The following PRKD1 variants were observed in gnomAD, a reference collection of about 807,000 sequenced individuals.
PRKD1 encodes the protein serine/threonine-protein kinase D1.
A neutral mutation model predicts 95.9 loss-of-function variants in PRKD1; 63 were observed. That is an observed-to-expected ratio of 0.66 (90% CI 0.54 to 0.81). The LOEUF (loss-of-function observed/expected upper bound fraction) is 0.81, where lower values mean the gene tolerates loss of function less well. PRKD1 is among the 30% of genes least tolerant of loss of function. The pLI is 0.00. For missense variants in PRKD1, 1,048 were observed against 1,165.3 expected, an observed-to-expected ratio of 0.90 and a Z score of 1.47; for synonymous variants, 425 against 423.1, an observed-to-expected ratio of 1.00 and a Z score of -0.05.
intron 1 of PRKD1, among the ~76,000 whole-genome samples, chr14:29,750,380 A>G (rs1887419672): frequency 1.3e-5 from 2 of 152,194 alleles, no homozygotes; most frequent in South Asian, 4.1e-4. Context: ...TTCTGGTTAC[A>G]AAAACATCAC....
chr14:29,890,035 A>G (rs544212079), intron 1 of PRKD1, among the ~76,000 whole-genome samples: 1 of 152,362 alleles, frequency 6.6e-6, no homozygotes, highest in Admixed American at 6.5e-5. Flanking sequence ...AAGTTCTCAA[A>G]TAAGTTGTGT....
At chr14:29,642,728 T>G (rs746174442) in intron 4 of PRKD1, among the ~76,000 whole-genome samples, 1 of 152,182 alleles carries the variant, frequency 6.6e-6, no homozygotes, top group Non-Finnish European at 1.5e-5. Flanking sequence ...CTTTAGAGTT[T>G]TAAATAACAC....
chr14:29,860,592 C>G (rs926023015), intron 1 of PRKD1, among the ~76,000 whole-genome samples: 3 of 152,134 alleles, frequency 2.0e-5, no homozygotes, highest in Admixed American at 2.0e-4. Flanking sequence ...CAGGAAGATA[C>G]TTGTTTTACA....
chr14:29,637,871 T>A (rs931855429), intron 6 of PRKD1, among the ~76,000 whole-genome samples: 3 of 152,200 alleles, frequency 2.0e-5, no homozygotes, highest in Non-Finnish European at 4.4e-5. Flanking sequence ...GGTATCAGGC[T>A]AAAGGTATAA....
At chr14:29,785,255 C>G (rs1889216872) in intron 1 of PRKD1, among the ~76,000 whole-genome samples, 1 of 152,072 alleles carries the variant, frequency 6.6e-6, no homozygotes, top group Non-Finnish European at 1.5e-5. Context: ...TACTACTTAG[C>G]CTTTCTGGTG....
intron 2 of PRKD1, among the ~76,000 whole-genome samples, chr14:29,681,924 G>T (rs1375963393): frequency 1.3e-5 from 2 of 152,170 alleles, no homozygotes; most frequent in Non-Finnish European, 2.9e-5. Flanking sequence ...CTAACAGTAT[G>T]CTGAGAAAAT....
intron 4 of PRKD1, among the ~76,000 whole-genome samples, chr14:29,647,758 G>C (rs981032155): frequency 6.6e-6 from 1 of 152,224 alleles, no homozygotes; most frequent in Non-Finnish European, 1.5e-5. Flanking sequence ...AGTGTTGCAG[G>C]AAATAAGGGG....
intron 1 of PRKD1, among the ~76,000 whole-genome samples, chr14:29,892,924 A>T (rs1181181241): frequency 6.6e-6 from 1 of 152,326 alleles, no homozygotes; most frequent in Middle Eastern, 3.4e-3. Context: ...TGGAATTGAA[A>T]TACCATTAAA....
intron 2 of PRKD1, among the ~76,000 whole-genome samples, chr14:29,699,305 G>A (rs1429817543): frequency 1.3e-5 from 2 of 152,068 alleles, no homozygotes; most frequent in African/African-American, 4.8e-5. Context: ...ATATTTCCCT[G>A]TACCCTCATC....
rs1555348548 is a variant in PRKD1, at chr14:29,826,760, T to TATATATAC, written c.264+100488_264+100489insGTATATAT. On this transcript the variant is annotated intron_variant, in intron 1 of 17. Coordinates refer to ENST00000331968, the MANE Select transcript of PRKD1 (RefSeq NM_002742.3). ...ATATATATACACATATATATATACA[T>TATATATAC]ATATATATACACATATATATACATA... is the stretch of plus-strand genomic sequence containing the variant. 1.3e-3 allele frequency among the ~76,000 whole-genome samples: 49 copies of TATATATAC among 39,084 alleles called. 8 individuals carry two copies. Among genetic ancestry groups the TATATATAC allele is most frequent in the African/African-American group, 4.5e-3 (47 of 10,352 alleles). The allele number at this position is 39,084 out of a possible 152,430, so 25.6% of individuals were successfully genotyped here.
intron 3 of PRKD1, among the ~76,000 whole-genome samples, chr14:29,665,581 T>C (rs1015121371): frequency 6.6e-6 from 1 of 152,080 alleles, no homozygotes; most frequent in Non-Finnish European, 1.5e-5. Context: ...CATGGCTGAG[T>C]AGTATTTCAT....
intron 2 of PRKD1, among the ~76,000 whole-genome samples, chr14:29,680,298 T>G (rs1361337367): frequency 6.6e-6 from 1 of 152,158 alleles, no homozygotes; most frequent in Non-Finnish European, 1.5e-5. Flanking sequence ...GAAGCTGACT[T>G]GTGATCCCCT....
intron 2 of PRKD1, among the ~76,000 whole-genome samples, chr14:29,686,696 C>A (rs1424604682): frequency 6.6e-6 from 1 of 152,190 alleles, no homozygotes; most frequent in Non-Finnish European, 1.5e-5. Context: ...GATTAGTAGA[C>A]TGCTCTATAC....
chr14:29,741,979 T>C (rs758613148), intron 1 of PRKD1, among the ~76,000 whole-genome samples: 5 of 152,128 alleles, frequency 3.3e-5, no homozygotes, highest in Non-Finnish European at 4.4e-5. Context: ...TGGAATTCCA[T>C]TGTTCTGACT....
chr14:29,853,252 A>G (rs1226330553), intron 1 of PRKD1, among the ~76,000 whole-genome samples: 8 of 152,234 alleles, frequency 5.3e-5, no homozygotes, highest in Admixed American at 4.6e-4. Context: ...ACTGACAAAC[A>G]TAAAGGGAGA....
At chr14:29,851,536 A>C (rs1211842515) in intron 1 of PRKD1, among the ~76,000 whole-genome samples, 1 of 152,046 alleles carries the variant, frequency 6.6e-6, no homozygotes, top group Admixed American at 6.6e-5. Flanking sequence ...AGATACCAAC[A>C]ATTTCACACC....
At position 29,826,786 on chromosome 14, in the gene PRKD1, TATACACATATATATACAC is replaced by T. The variant is rs1566622872; in HGVS notation, c.264+100445_264+100462del. Among the ~76,000 whole-genome samples, 86 of 49,586 alleles carry T rather than the reference TATACACATATATATACAC, an allele frequency of 1.7e-3. 1 individual carries two copies. Among genetic ancestry groups the T allele is most frequent in the Non-Finnish European group, 2.1e-3 (53 of 24,800 alleles). The allele number at this position is 49,586 out of a possible 152,430, so 32.5% of individuals were successfully genotyped here. On this transcript the variant is annotated intron_variant, in intron 1 of 17. Transcript: ENST00000331968. ...ATATATATACACATATATATACATA[TATACACATATATATACAC>T]ATATATATACACATATATATATATA... is the stretch of plus-strand genomic sequence containing the variant.
intron 2 of PRKD1, among the ~76,000 whole-genome samples, chr14:29,701,198 A>G (rs1479726835): frequency 6.6e-6 from 1 of 152,166 alleles, no homozygotes; most frequent in Non-Finnish European, 1.5e-5. Context: ...AGGCTCTTGA[A>G]GTATGATTCT....
chr14:29,858,494 G>C (rs1229477151), intron 1 of PRKD1, among the ~76,000 whole-genome samples: 1 of 152,160 alleles, frequency 6.6e-6, no homozygotes, highest in Non-Finnish European at 1.5e-5. Flanking sequence ...CCCATTTCTA[G>C]TTTCACACCA....
Sources: allele counts gnomAD v4.1 joint callset (sites outside exome capture counted in the v4.1 genomes callset), GRCh38; gene constraint gnomAD v4.1.1; transcripts MANE v1.5; gene names NCBI Gene and HGNC (gene_info 2026-07-23, HGNC 2026-07-21).